Variants in USP15 observed in about 807,000 individuals in gnomAD.
USP15 encodes ubiquitin specific peptidase 15, also known as ubiquitin carboxyl-terminal hydrolase 15.
A neutral mutation model predicts 127.1 loss-of-function variants in USP15; 18 were observed. The ratio of observed to expected loss-of-function variants is 0.14; its 90% CI spans 0.10 to 0.21. USP15 has a LOEUF of 0.21. Ranked by LOEUF, USP15 falls within the 10% of genes least tolerant of loss-of-function variation. The probability of loss-of-function intolerance (pLI) is 1.00; values close to 1 mark genes in which losing one functional copy is unlikely to be tolerated. For missense variants in USP15, 805 were observed against 1,159.9 expected (o/e 0.69, Z 4.44); for synonymous variants, 364 against 393.7 (o/e 0.92, Z 0.89).
chr12:62,357,047 G>C (rs1267512304), intron 8 of USP15, among the ~76,000 whole-genome samples: 1 of 151,970 alleles, frequency 6.6e-6, no homozygotes, highest in Non-Finnish European at 1.5e-5. Context: ...ATATCAGCTA[G>C]AGTTTTTTTT....
intron 1 of USP15, chr12:62,274,227 G>T (rs2063416350): frequency 6.6e-6 from 1 of 152,202 alleles, no homozygotes; most frequent in Non-Finnish European, 1.5e-5. Flanking sequence ...GGGCACAGTG[G>T]TTCACACCTG....
intron 20 of USP15, among the ~76,000 whole-genome samples, chr12:62,397,122 T>C (rs1215989206): frequency 2.6e-5 from 4 of 152,248 alleles, no homozygotes; most frequent in Non-Finnish European, 5.9e-5. Context: ...TCATTATATA[T>C]TTTTAGACAC....
chr12:62,283,328 A>G (rs2063701644), intron 1 of USP15, among the ~76,000 whole-genome samples: 1 of 152,222 alleles, frequency 6.6e-6, no homozygotes, highest in African/African-American at 2.4e-5. Flanking sequence ...GAACTTCTCT[A>G]AGTTCATAAG....
In USP15 at chr12:62,414,338, GT is replaced by G. The variant is rs869168219; in HGVS notation, c.*9968del. 3 of 138,198 alleles carry G rather than the reference GT, an allele frequency of 2.2e-5. No homozygotes were observed. Among genetic ancestry groups the G allele is most frequent in the African/African-American group, 7.3e-5 (3 of 40,894 alleles). The allele number at this position is 138,198 out of a possible 1,614,324, so 8.6% of individuals were successfully genotyped here. A position where few individuals can be genotyped will look rare whatever the true frequency, so the allele number is the denominator to read the frequency against. On this transcript the variant is annotated 3_prime_UTR_variant, in exon 22 of 22. Coordinates refer to ENST00000280377, the MANE Select transcript of USP15 (RefSeq NM_001252078.2). ...AGCAGAATAAAACAAGGTATGCCTG[GT>G]TTTTGTTTTGTTTTGTTTTGAGACA...
At chr12:62,326,760 A>G (rs760930931) in intron 6 of USP15, among the ~76,000 whole-genome samples, 7 of 152,202 alleles carry the variant, frequency 4.6e-5, no homozygotes, top group South Asian at 2.1e-4. Context: ...TAAAATAATG[A>G]TATTTTTAAA....
rs567851129 is a variant in USP15 at position 62,373,374 on chromosome 12, T to C, written c.916-8116T>C. 9.9e-5 allele frequency among the ~76,000 whole-genome samples: 15 copies of C among 152,100 alleles called. No individual in the cohort carries two copies. In the South Asian group the frequency reaches 2.9e-3, roughly 29 times the overall value. ...GTCAGTATTTATACTTCCTAGAACT[T>C]TGATAATTCTTCATTGAATTCAAAT... is the stretch of plus-strand genomic sequence containing the variant. On this transcript the variant is annotated intron_variant, in intron 8 of 21. Transcript: ENST00000280377.
rs1244316931 is a variant in USP15 at position 62,406,266 on chromosome 12, C to T, written c.*1891C>T. ...GCAAAATGAATCCTACTATTAAGGA[C>T]GTTTTAAAGTTGATTTTTGTCCACT... On this transcript the variant is annotated 3_prime_UTR_variant, in exon 22 of 22. Transcript: ENST00000280377. 6.6e-6 allele frequency: 1 copy of T among 151,908 alleles called. No homozygotes were observed. The highest frequency in any genetic ancestry group is 2.4e-5 in the African/African-American group (1 of 41,356). The allele number at this position is 151,908 out of a possible 1,614,324, so 9.4% of individuals were successfully genotyped here.
At chr12:62,346,153 C>T (rs762014542) in intron 6 of USP15, among the ~76,000 whole-genome samples, 1 of 152,232 alleles carries the variant, frequency 6.6e-6, no homozygotes, top group Non-Finnish European at 1.5e-5. Flanking sequence ...TTCCTCATGA[C>T]AGCCATGATA....
At chr12:62,381,768 G>A in intron 9 of USP15, 105 bp downstream of exon 9, 1 of 1,122,324 alleles carries the variant, frequency 8.9e-7, no homozygotes, top group South Asian at 1.8e-5. Flanking sequence ...ATGGTTTGTG[G>A]CCCTCCAAAG....
At chr12:62,400,519 T>G (rs553921772) in intron 20 of USP15, among the ~76,000 whole-genome samples, 13 of 151,838 alleles carry the variant, frequency 8.6e-5, no homozygotes, top group Middle Eastern at 3.4e-3. Context: ...CTCAAATATG[T>G]TTGATCTGTG....
intron 1 of USP15, among the ~76,000 whole-genome samples, chr12:62,271,426 G>A (rs1260100773): frequency 1.3e-5 from 2 of 151,894 alleles, no homozygotes; most frequent in Non-Finnish European, 2.9e-5. Context: ...TGTTTTGATG[G>A]TATGTATATA....
chr12:62,264,604 G>C (rs1442041495), intron 1 of USP15, among the ~76,000 whole-genome samples: 1 of 152,194 alleles, frequency 6.6e-6, no homozygotes, highest in Non-Finnish European at 1.5e-5. Flanking sequence ...AATCTGATCA[G>C]TGAAGTTTTA....
chr12:62,352,249 TATTTC>T (rs1009647294), intron 7 of USP15, among the ~76,000 whole-genome samples: 7 of 151,878 alleles, frequency 4.6e-5, no homozygotes, highest in Non-Finnish European at 8.8e-5. Flanking sequence ...TACTTGGAAT[TATTTC>T]ATTTAAGTTT....
chr12:62,410,848 T>TG lies in USP15; in HGVS notation c.*6474dup, dbSNP rs1565929164. ...GATGAGTCAAGTTAATATTTGTTTT[T>TG]GTTTTTTTTTTTTTTTAATTTTGGG... On this transcript the variant is annotated 3_prime_UTR_variant, in exon 22 of 22. Coordinates refer to ENST00000280377, the MANE Select transcript of USP15 (RefSeq NM_001252078.2). 1.1e-5 allele frequency: 1 copy of TG among 93,758 alleles called. No homozygotes were observed. Among genetic ancestry groups the TG allele is most frequent in the Non-Finnish European group, 2.5e-5 (1 of 40,618 alleles). The allele number at this position is 93,758 out of a possible 1,614,324, so 5.8% of individuals were successfully genotyped here.
chr12:62,376,330 C>G (rs917596901), intron 8 of USP15, among the ~76,000 whole-genome samples: 3 of 151,880 alleles, frequency 2.0e-5, no homozygotes, highest in African/African-American at 4.8e-5. Context: ...TTTAGTCTGG[C>G]TATTGCTTTA....
At chr12:62,303,987 G>A (rs1328782285) in intron 3 of USP15, among the ~76,000 whole-genome samples, 1 of 151,154 alleles carries the variant, frequency 6.6e-6, no homozygotes, top group African/African-American at 2.5e-5. Context: ...CTATTTAGCT[G>A]TAAAACTGTC....
rs191784815 is a variant in USP15 at position 62,402,885 on chromosome 12, A to G, written c.2764-1308A>G. 1.1e-4 allele frequency among the ~76,000 whole-genome samples: 17 copies of G among 152,230 alleles called. No individual in the cohort carries two copies. The East Asian group carries it at 2.3e-3, about 21-fold the overall frequency. Reference sequence around the variant, plus strand: ...GAAAAGCCATACAGGAGGCTGTCACATAATTTAAGCAATTAAAATAGTAGT... The same window carrying G: ...GAAAAGCCATACAGGAGGCTGTCACGTAATTTAAGCAATTAAAATAGTAGT... On this transcript the variant is annotated intron_variant, in intron 21 of 21. Transcript: ENST00000280377.
chr12:62,399,603 ATATATTGAGAACAGGGTTC>A (rs2067611867), intron 20 of USP15, among the ~76,000 whole-genome samples: 2 of 152,188 alleles, frequency 1.3e-5, no homozygotes, highest in Non-Finnish European at 2.9e-5. Context: ...TCTTGAGTTC[ATATATTGAGAACAGGGTTC>A]TCAATTTTTT....
intron 3 of USP15, 93 bp from the exon 4 acceptor site, chr12:62,314,697 C>T: frequency 8.4e-7 from 1 of 1,190,754 alleles, no homozygotes; most frequent in Non-Finnish European, 1.1e-6. Flanking sequence ...CACTGGAGAT[C>T]TGCAGTTTTC....
Sources: allele counts gnomAD v4.1 joint callset (sites outside exome capture counted in the v4.1 genomes callset), GRCh38; gene constraint gnomAD v4.1.1; transcripts MANE v1.5; gene names NCBI Gene and HGNC (gene_info 2026-07-23, HGNC 2026-07-21).